TOP1: variants seen among roughly 807,000 people sequenced by gnomAD.
The protein encoded by TOP1 is DNA topoisomerase 1.
TOP1 carries 10 observed loss-of-function variants against 111.1 expected under a neutral mutation model. The ratio of observed to expected loss-of-function variants is 0.09; its 90% CI spans 0.06 to 0.15. The LOEUF is 0.15. TOP1 is among the 10% of genes least tolerant of loss of function. TOP1 has a pLI of 1.00. For synonymous variants in TOP1, 271 were observed against 302.9 expected (o/e 0.89, Z 1.10); for missense variants, 474 against 926.7 (o/e 0.51, Z 6.34).
Position 41,029,335 on chromosome 20 carries a change from G to T in TOP1, c.34-96G>T, listed in dbSNP as rs1600546897. The T allele has an allele frequency of 8.5e-7, 1 of 1,178,526 alleles. No homozygotes were observed. Among genetic ancestry groups the T allele is most frequent in the Non-Finnish European group, 1.1e-6 (1 of 871,868 alleles). The allele number at this position is 1,178,526 out of a possible 1,614,324, so 73.0% of individuals were successfully genotyped here. A position where few individuals can be genotyped will look rare whatever the true frequency, so the allele number is the denominator to read the frequency against. ...CCACCCCCGGGTCCCCGTCCTCCCCGGGGGCGCAGGGTGAGCCAGACCCCG... is the reference window on the plus strand; with the variant it reads ...CCACCCCCGGGTCCCCGTCCTCCCCTGGGGCGCAGGGTGAGCCAGACCCCG... On this transcript the variant is annotated intron_variant, in intron 1 of 20. Coordinates refer to ENST00000361337, the MANE Select transcript of TOP1 (RefSeq NM_003286.4). The surrounding 1 kb of genome is among the most constrained non-coding windows in gnomAD (Gnocchi z 6.1).
chr20:41,034,116 T>C lies in TOP1; in HGVS notation c.58+4661T>C, dbSNP rs1189934854. Among the ~76,000 whole-genome samples, 1 of 152,224 alleles carries C rather than the reference T, an allele frequency of 6.6e-6. No individual in the cohort carries two copies. Among genetic ancestry groups the C allele is most frequent in the Non-Finnish European group, 1.5e-5 (1 of 68,042 alleles). On this transcript the variant is annotated intron_variant, in intron 2 of 20. Coordinates refer to ENST00000361337, the MANE Select transcript of TOP1 (RefSeq NM_003286.4). This position sits in a 1 kb window ranked among gnomAD's most constrained non-coding sequence, Gnocchi z 4.0. ...TTAATTATTTTGAAACCATTAACTT[T>C]GGATAATAAGGGCATTTAGGCAAAC... is the stretch of plus-strand genomic sequence containing the variant.
chr20:41,029,180 C>A lies in TOP1; in HGVS notation c.33+80C>A. ...CCCCCGGCGCAGGCCCCGACCCCAG[C>A]CCCGGCCCGGCAGCTTTGACAGGCC... On this transcript the variant is annotated intron_variant, in intron 1 of 20. Coordinates refer to ENST00000361337, the MANE Select transcript of TOP1 (RefSeq NM_003286.4). The surrounding 1 kb of genome is among the most constrained non-coding windows in gnomAD (Gnocchi z 6.1). 8.6e-7 allele frequency: 1 copy of A among 1,161,804 alleles called. No homozygotes were observed. Among genetic ancestry groups the A allele is most frequent in the Non-Finnish European group, 1.1e-6 (1 of 882,660 alleles). 72.0% of individuals were successfully genotyped at this position (1,161,804 alleles called of 1,614,324 possible). A position where few individuals can be genotyped will look rare whatever the true frequency, so the allele number is the denominator to read the frequency against.
chr20:41,047,628 C>G (rs528691845), intron 2 of TOP1, among the ~76,000 whole-genome samples: 9 of 152,310 alleles, frequency 5.9e-5, no homozygotes, highest in Admixed American at 3.9e-4. Flanking sequence ...AGAATGTGGC[C>G]ATGCTCATTC....
At chr20:41,056,859 C>T (rs561903391) in intron 2 of TOP1, among the ~76,000 whole-genome samples, 5 of 152,286 alleles carry the variant, frequency 3.3e-5, no homozygotes, top group African/African-American at 1.2e-4. Context: ...TAATGAGCCA[C>T]AGCCCCGAGT....
At position 41,081,780 on chromosome 20, in the gene TOP1, A is replaced by G. The variant is rs1600577279; in HGVS notation, c.507+540A>G. ...TCTCTAGCTTACTTGTACCAGTCAC[A>G]CTAGCCTCCTTTGTTTCTTTTCCAC... On this transcript the variant is annotated intron_variant, in intron 7 of 20. Transcript: ENST00000361337. Among the ~76,000 whole-genome samples the G allele has an allele frequency of 3.9e-5, 6 of 152,122 alleles. No individual in the cohort carries two copies. The South Asian group carries it at 1.2e-3, about 32-fold the overall frequency.
In TOP1 at chr20:41,098,412, T is replaced by TA; in HGVS notation, c.975+76dup. The TA allele has an allele frequency of 6.8e-7, 1 of 1,481,054 alleles. No homozygotes were observed. Among genetic ancestry groups the TA allele is most frequent in the Non-Finnish European group, 9.3e-7 (1 of 1,076,422 alleles). 91.7% of individuals were successfully genotyped at this position (1,481,054 alleles called of 1,614,324 possible). A position where few individuals can be genotyped will look rare whatever the true frequency, so the allele number is the denominator to read the frequency against. ...TTCATTTAACTTTCTTCTTGGTTCT[T>TA]ATGACACAACATTAACATCAGTAAT... On this transcript the variant is annotated intron_variant, in intron 11 of 20. Transcript: ENST00000361337. This position sits in a 1 kb window ranked among gnomAD's most constrained non-coding sequence, Gnocchi z 5.7.
chr20:41,053,523 TAGC>T (rs2033431636), intron 2 of TOP1, among the ~76,000 whole-genome samples: 1 of 152,122 alleles, frequency 6.6e-6, no homozygotes, highest in African/African-American at 2.4e-5. Context: ...TACTGAAAAA[TAGC>T]AGCACAGCAG....
At chr20:41,077,712 T>G in intron 5 of TOP1, 75 bp downstream of exon 5, 1 of 1,436,928 alleles carries the variant, frequency 7.0e-7, no homozygotes, top group South Asian at 1.2e-5. Context: ...TGTAGTGTTG[T>G]CTGAGTTAAC....
Position 41,112,666 on chromosome 20 carries a change from C to A in TOP1, c.1309-116C>A. On this transcript the variant is annotated intron_variant, in intron 13 of 20. Coordinates refer to ENST00000361337, the MANE Select transcript of TOP1 (RefSeq NM_003286.4). This position sits in a 1 kb window ranked among gnomAD's most constrained non-coding sequence, Gnocchi z 5.8. ...CGTTCAAGCAATTCTTGTGTCTTAG[C>A]CTCCCTATTAGCTAGCTGGGATTAT... is the stretch of plus-strand genomic sequence containing the variant. 2 of 1,136,378 alleles carry A rather than the reference C, an allele frequency of 1.8e-6. No homozygotes were observed. The highest frequency in any genetic ancestry group is 2.5e-6 in the Non-Finnish European group (2 of 797,000). 70.4% of individuals were successfully genotyped at this position (1,136,378 alleles called of 1,614,324 possible). A position where few individuals can be genotyped will look rare whatever the true frequency, so the allele number is the denominator to read the frequency against.
At position 41,122,405 on chromosome 20, in the gene TOP1, C is replaced by A. The variant is rs1009914375; in HGVS notation, c.2195+250C>A. Among the ~76,000 whole-genome samples the A allele has an allele frequency of 6.6e-6, 1 of 152,178 alleles. No homozygotes were observed. The highest frequency in any genetic ancestry group is 1.5e-5 in the Non-Finnish European group (1 of 68,036). ...CCTTGTAGTGTATATTTTTAAGAGG[C>A]AGGTGCCATCCCTATTCCTAATGGA... On this transcript the variant is annotated intron_variant, in intron 20 of 20. Transcript: ENST00000361337. This position sits in a 1 kb window ranked among gnomAD's most constrained non-coding sequence, Gnocchi z 5.4.
At position 41,029,698 on chromosome 20, in the gene TOP1, C is replaced by T; in HGVS notation, c.58+243C>T. ...AGACCCCGTGTCGTCCGCCACCGGG[C>T]CTCGGGCGGTCTTTCCGGGCCGGGA... On this transcript the variant is annotated intron_variant, in intron 2 of 20. Coordinates refer to ENST00000361337, the MANE Select transcript of TOP1 (RefSeq NM_003286.4). The surrounding 1 kb of genome is among the most constrained non-coding windows in gnomAD (Gnocchi z 6.1). The T allele has an allele frequency of 3.4e-6, 2 of 582,428 alleles. No individual in the cohort carries two copies. The highest frequency in any genetic ancestry group is 6.3e-6 in the Non-Finnish European group (2 of 318,622). 36.1% of individuals were successfully genotyped at this position (582,428 alleles called of 1,614,324 possible). A position where few individuals can be genotyped will look rare whatever the true frequency, so the allele number is the denominator to read the frequency against.
chr20:41,086,772 T>C (rs2145942183), intron 8 of TOP1, among the ~76,000 whole-genome samples: 1 of 152,376 alleles, frequency 6.6e-6, no homozygotes, highest in Non-Finnish European at 1.5e-5. Flanking sequence ...TTTTGAGGAA[T>C]GAGCAGACTT....
chr20:41,098,348 A>C lies in TOP1; in HGVS notation c.975+11A>C. On this transcript the variant is annotated intron_variant, in intron 11 of 20. Coordinates refer to ENST00000361337, the MANE Select transcript of TOP1 (RefSeq NM_003286.4). The surrounding 1 kb of genome is among the most constrained non-coding windows in gnomAD (Gnocchi z 5.7). ...AAGGAAGAGAAACTGGTACTACAGA[A>C]TTTATTAAACCTCTGGAGAATTCTG... 6.2e-7 allele frequency: 1 copy of C among 1,610,104 alleles called. No homozygotes were observed.
chr20:41,120,302 A>G (rs2034401420), intron 18 of TOP1, among the ~76,000 whole-genome samples: 1 of 152,252 alleles, frequency 6.6e-6, no homozygotes, highest in African/African-American at 2.4e-5. Context: ...CATTCATAGT[A>G]AAACATATTT....
At chr20:41,051,769 T>C (rs1192168008) in intron 2 of TOP1, among the ~76,000 whole-genome samples, 2 of 151,982 alleles carry the variant, frequency 1.3e-5, no homozygotes, top group Non-Finnish European at 2.9e-5. Flanking sequence ...AGTTGTTGGC[T>C]CGGTGGGCAT....
At position 41,029,509 on chromosome 20, in the gene TOP1, C is replaced by G. The variant is rs1238732223; in HGVS notation, c.58+54C>G. 23 of 1,459,784 alleles carry G rather than the reference C, an allele frequency of 1.6e-5. No homozygotes were observed. The highest frequency in any genetic ancestry group is 2.1e-5 in the Non-Finnish European group (22 of 1,066,762). The allele number at this position is 1,459,784 out of a possible 1,614,324, so 90.4% of individuals were successfully genotyped here. A position where few individuals can be genotyped will look rare whatever the true frequency, so the allele number is the denominator to read the frequency against. ...GGCCCCCCAGCCGCCGGCCGCCTCC[C>G]CCGCGCCCTGCCGGTGCCGGGCAGA... On this transcript the variant is annotated intron_variant, in intron 2 of 20. Transcript: ENST00000361337. This position sits in a 1 kb window ranked among gnomAD's most constrained non-coding sequence, Gnocchi z 6.1.
In TOP1 at chr20:41,110,655, T is replaced by A. The variant is rs1017129847; in HGVS notation, c.1309-2127T>A. Reference sequence around the variant, plus strand: ...TTAAAAAGTCATCCAAAGAATGTCATCTACAATCAGTTAAATTAGATTTTT... The same window carrying A: ...TTAAAAAGTCATCCAAAGAATGTCAACTACAATCAGTTAAATTAGATTTTT... On this transcript the variant is annotated intron_variant, in intron 13 of 20. Transcript: ENST00000361337. The surrounding 1 kb of genome is among the most constrained non-coding windows in gnomAD (Gnocchi z 4.2). 2.0e-5 allele frequency among the ~76,000 whole-genome samples: 3 copies of A among 152,218 alleles called. No individual in the cohort carries two copies. Among genetic ancestry groups the A allele is most frequent in the African/African-American group, 7.2e-5 (3 of 41,456 alleles).
At chr20:41,060,896 A>G (rs2033536675) in intron 2 of TOP1, among the ~76,000 whole-genome samples, 1 of 152,044 alleles carries the variant, frequency 6.6e-6, no homozygotes, top group Non-Finnish European at 1.5e-5. Context: ...TTCCTTGAAT[A>G]TTTTCAGTCT....
At chr20:41,117,792 G>A (rs2034357848) in intron 17 of TOP1, among the ~76,000 whole-genome samples, 1 of 152,004 alleles carries the variant, frequency 6.6e-6, no homozygotes, top group East Asian at 1.9e-4. Flanking sequence ...TATGAATATG[G>A]GCAACAAACC....
Sources: allele counts gnomAD v4.1 joint callset (sites outside exome capture counted in the v4.1 genomes callset), GRCh38; gene constraint gnomAD v4.1.1; non-coding constraint Gnocchi (gnomAD v3.1); transcripts MANE v1.5; gene names NCBI Gene and HGNC (gene_info 2026-07-23, HGNC 2026-07-21).